The following RABGAP1L variants were observed in gnomAD, a reference collection of about 807,000 sequenced individuals.
The protein encoded by RABGAP1L is rab GTPase-activating protein 1-like.
Under a neutral mutation model 137.7 loss-of-function variants are expected in RABGAP1L, and 63 were observed. The ratio of observed to expected loss-of-function variants is 0.46; its 90% CI spans 0.37 to 0.56. RABGAP1L has a LOEUF of 0.56. RABGAP1L is among the 20% of genes least tolerant of loss of function. The probability of loss-of-function intolerance (pLI) is 0.00; values close to 1 mark genes in which losing one functional copy is unlikely to be tolerated. For synonymous variants in RABGAP1L, 431 were observed against 433.7 expected (o/e 0.99, Z 0.08); for missense variants, 1,095 against 1,244.0 (o/e 0.88, Z 1.80).
chr1:174,437,832 A>G (rs1653595416), intron 13 of RABGAP1L, among the ~76,000 whole-genome samples: 1 of 152,208 alleles, frequency 6.6e-6, no homozygotes, highest in South Asian at 2.1e-4. Flanking sequence ...AGGTCGGGTT[A>G]CCCACAAAGG....
At chr1:174,918,841 C>A (rs1270913950) in intron 19 of RABGAP1L, among the ~76,000 whole-genome samples, 1 of 140,730 alleles carries the variant, frequency 7.1e-6, no homozygotes, top group East Asian at 2.0e-4. Context: ...GATCTCTACA[C>A]AAAATTCAAA....
chr1:174,424,578 T>A (rs948754569), intron 13 of RABGAP1L, among the ~76,000 whole-genome samples: 1 of 152,210 alleles, frequency 6.6e-6, no homozygotes, highest in Admixed American at 6.5e-5. Flanking sequence ...TTTTGTTTTC[T>A]TTATAGAAAT....
intron 19 of RABGAP1L, among the ~76,000 whole-genome samples, chr1:174,898,220 G>A (rs948088218): frequency 4.6e-5 from 7 of 152,144 alleles, no homozygotes; most frequent in Admixed American, 6.5e-5. Flanking sequence ...GATGAGGTAA[G>A]TACAGTTTTT....
chr1:174,763,262 T>A (rs1484842182), intron 18 of RABGAP1L, among the ~76,000 whole-genome samples: 1 of 152,068 alleles, frequency 6.6e-6, no homozygotes, highest in Non-Finnish European at 1.5e-5. Context: ...CTCATGCCTG[T>A]AATCCCAGCA....
chr1:174,532,988 A>G (rs1416252352), intron 13 of RABGAP1L, among the ~76,000 whole-genome samples: 2 of 152,242 alleles, frequency 1.3e-5, no homozygotes, highest in Non-Finnish European at 2.9e-5. Flanking sequence ...TAATCCCAGC[A>G]CTTTGGGAGG....
intron 11 of RABGAP1L, among the ~76,000 whole-genome samples, chr1:174,334,288 A>G (rs923583511): frequency 7.2e-5 from 11 of 151,982 alleles, no homozygotes; most frequent in Admixed American, 2.6e-4. Flanking sequence ...CCTCTGTCTG[A>G]CCCTATGTTT....
At chr1:174,827,458 G>T (rs59605831) in intron 19 of RABGAP1L, among the ~76,000 whole-genome samples, 1 of 120,828 alleles carries the variant, frequency 8.3e-6, no homozygotes, top group East Asian at 3.2e-4. Context: ...ATATTAATTG[G>T]GGGGGCACAA....
intron 19 of RABGAP1L, among the ~76,000 whole-genome samples, chr1:174,942,200 G>A (rs1325055133): frequency 6.6e-6 from 1 of 152,158 alleles, no homozygotes; most frequent in Non-Finnish European, 1.5e-5. Flanking sequence ...CAACAGCAGA[G>A]GAAAGTAGTG....
chr1:174,772,445 G>A (rs114830705), intron 18 of RABGAP1L, among the ~76,000 whole-genome samples: 3,383 of 151,060 alleles, frequency 0.022, 53 homozygotes, highest in Middle Eastern at 0.086. Flanking sequence ...GTGTTGTGGC[G>A]TGTGCCTGGC....
chr1:174,713,709 A>G (rs922310557), intron 17 of RABGAP1L, among the ~76,000 whole-genome samples: 6 of 152,182 alleles, frequency 3.9e-5, no homozygotes, highest in Admixed American at 6.5e-5. Flanking sequence ...GCCAAAATAA[A>G]ACCTCTTTTG....
chr1:174,643,987 AC>A (rs1351221215), intron 14 of RABGAP1L, among the ~76,000 whole-genome samples: 1 of 151,310 alleles, frequency 6.6e-6, no homozygotes, highest in African/African-American at 2.4e-5. Context: ...TTTCATACTT[AC>A]CCTTTACTCA....
At chr1:174,306,153 C>G (rs1011091382) in intron 11 of RABGAP1L, among the ~76,000 whole-genome samples, 4 of 152,178 alleles carry the variant, frequency 2.6e-5, no homozygotes, top group African/African-American at 4.8e-5. Context: ...TTTTCGTAAT[C>G]CAGTCTATCA....
intron 13 of RABGAP1L, among the ~76,000 whole-genome samples, chr1:174,576,204 C>T (rs1668361931): frequency 6.6e-6 from 1 of 152,158 alleles, no homozygotes; most frequent in Admixed American, 6.6e-5. Flanking sequence ...ACCAGAAATA[C>T]TCAGAAGGGA....
intron 19 of RABGAP1L, among the ~76,000 whole-genome samples, chr1:174,939,727 G>A (rs1472804820): frequency 6.6e-6 from 1 of 151,996 alleles, no homozygotes; most frequent in African/African-American, 2.4e-5. Flanking sequence ...AAATTTAATT[G>A]GTTATCACAA....
chr1:174,240,746 C>T (rs1671739809), intron 4 of RABGAP1L, among the ~76,000 whole-genome samples: 1 of 152,150 alleles, frequency 6.6e-6, no homozygotes, highest in Admixed American at 6.5e-5. Flanking sequence ...GTGGGCTCTC[C>T]AGGAATAGTC....
intron 1 of RABGAP1L, among the ~76,000 whole-genome samples, chr1:174,175,024 A>C (rs919480910): frequency 6.6e-6 from 1 of 152,248 alleles, no homozygotes; most frequent in African/African-American, 2.4e-5. Flanking sequence ...TTATATTACT[A>C]AGATTTTTAA....
At chr1:174,434,151 A>ACACG (rs1361968902) in intron 13 of RABGAP1L, among the ~76,000 whole-genome samples, 1 of 147,518 alleles carries the variant, frequency 6.8e-6, no homozygotes, top group Non-Finnish European at 1.5e-5. Flanking sequence ...ACACACACAC[A>ACACG]CCCTGCCTGG....
chr1:174,929,848 ATTT>A (rs58140970), intron 19 of RABGAP1L, among the ~76,000 whole-genome samples: 42,130 of 124,490 alleles, frequency 0.34, 8,424 homozygotes, highest in African/African-American at 0.63. Context: ...GCAAAATTTA[ATTT>A]TTTTTTTTTT....
intron 17 of RABGAP1L, among the ~76,000 whole-genome samples, chr1:174,716,851 T>C (rs1474268657): frequency 6.6e-6 from 1 of 152,170 alleles, no homozygotes; most frequent in Non-Finnish European, 1.5e-5. Flanking sequence ...GACCACATCA[T>C]GTCTGGTAAT....
Sources: allele counts gnomAD v4.1 joint callset (sites outside exome capture counted in the v4.1 genomes callset), GRCh38; gene constraint gnomAD v4.1.1; transcripts MANE v1.5; gene names NCBI Gene and HGNC (gene_info 2026-07-23, HGNC 2026-07-21).